The following LRRC7 variants were observed in gnomAD, a reference collection of about 807,000 sequenced individuals.
LRRC7 encodes the protein leucine rich repeat containing 7.
A neutral mutation model predicts 175.7 loss-of-function variants in LRRC7; 23 were observed. That is an observed-to-expected ratio of 0.13 (90% confidence interval 0.09 to 0.19). The LOEUF is 0.19. LRRC7 is among the 10% of genes least tolerant of loss of function. The pLI, the probability that LRRC7 is intolerant of heterozygous loss-of-function variation, is 1.00. For synonymous variants in LRRC7, 685 were observed against 680.9 expected (o/e 1.01, Z -0.09); for missense variants, 1,354 against 1,904.7 (o/e 0.71, Z 5.38).
At chr1:69,809,405 T>A (rs1036253538) in intron 4 of LRRC7, among the ~76,000 whole-genome samples, 34 of 152,140 alleles carry the variant, frequency 2.2e-4, no homozygotes, top group African/African-American at 7.9e-4. Flanking sequence ...AATGGGGGAT[T>A]CCTCCCTAAC....
At chr1:69,908,856 T>C (rs1358521276) in intron 7 of LRRC7, among the ~76,000 whole-genome samples, 1 of 150,234 alleles carries the variant, frequency 6.7e-6, no homozygotes, top group Admixed American at 6.6e-5. Context: ...TCGGGTCTAA[T>C]GTTGACAGTG....
chr1:69,606,308 A>C (rs995453912), intron 1 of LRRC7, among the ~76,000 whole-genome samples: 7 of 152,266 alleles, frequency 4.6e-5, no homozygotes, highest in East Asian at 3.9e-4. Context: ...TTATGATGTC[A>C]TACATTTTGT....
intron 3 of LRRC7, among the ~76,000 whole-genome samples, chr1:69,779,181 T>C (rs140089308): frequency 0.015 from 2,226 of 152,088 alleles, 56 homozygotes; most frequent in African/African-American, 0.052. Context: ...CTAACAAAAA[T>C]TTTACCAACC....
intron 17 of LRRC7, among the ~76,000 whole-genome samples, chr1:70,023,635 CT>C (rs147311419): frequency 5.5e-4 from 81 of 146,188 alleles, no homozygotes; most frequent in African/African-American, 1.6e-3. Flanking sequence ...GAGTTGGGTG[CT>C]TTTTTTTTTC....
chr1:70,031,901 C>T (rs1350926959), intron 18 of LRRC7, among the ~76,000 whole-genome samples: 5 of 151,892 alleles, frequency 3.3e-5, no homozygotes, highest in East Asian at 1.9e-4. Context: ...CTGGTTCAAG[C>T]GATTCTCCTG....
chr1:69,726,495 A>G (rs184358019), intron 2 of LRRC7, among the ~76,000 whole-genome samples: 1 of 152,300 alleles, frequency 6.6e-6, no homozygotes, highest in Non-Finnish European at 1.5e-5. Flanking sequence ...GAGATTATGG[A>G]AGAAGGTAGA....
intron 1 of LRRC7, among the ~76,000 whole-genome samples, chr1:69,616,518 GTTATTA>G (rs1402599357): frequency 6.6e-6 from 1 of 151,944 alleles, no homozygotes; most frequent in African/African-American, 2.4e-5. Context: ...TTTATTTAAA[GTTATTA>G]TTATATTATA....
chr1:69,730,222 C>T (rs1323476973), intron 2 of LRRC7, among the ~76,000 whole-genome samples: 1 of 152,198 alleles, frequency 6.6e-6, no homozygotes, highest in Admixed American at 6.5e-5. Context: ...AGACATTTTC[C>T]CCATTGTCTT....
intron 7 of LRRC7, among the ~76,000 whole-genome samples, chr1:69,856,149 T>A (rs1333350314): frequency 2.0e-5 from 3 of 152,220 alleles, no homozygotes; most frequent in Non-Finnish European, 4.4e-5. Context: ...CCGTTATGTG[T>A]GAATTTGATC....
At chr1:70,080,633 T>G (rs1218189206) in intron 24 of LRRC7, among the ~76,000 whole-genome samples, 2 of 152,236 alleles carry the variant, frequency 1.3e-5, no homozygotes, top group African/African-American at 4.8e-5. Flanking sequence ...AACTATAAAA[T>G]GTTACCCAGA....
At chr1:69,948,841 C>T (rs947102661) in intron 8 of LRRC7, among the ~76,000 whole-genome samples, 10 of 152,178 alleles carry the variant, frequency 6.6e-5, no homozygotes, top group African/African-American at 2.4e-4. Flanking sequence ...ACATTACAGA[C>T]TTTCAGTGCT....
chr1:70,076,384 TC>T, intron 24 of LRRC7, 86 bp downstream of exon 24: 2 of 1,174,416 alleles, frequency 1.7e-6, no homozygotes, highest in Non-Finnish European at 2.5e-6. Context: ...ATTAATGTGG[TC>T]CAGGACACAA....
chr1:69,727,195 A>G (rs1317418386), intron 2 of LRRC7, among the ~76,000 whole-genome samples: 2 of 152,182 alleles, frequency 1.3e-5, no homozygotes, highest in African/African-American at 4.8e-5. Context: ...CAGGGCCCAG[A>G]GAGGGATGCA....
intron 8 of LRRC7, among the ~76,000 whole-genome samples, chr1:69,966,695 G>A (rs186275909): frequency 3.3e-5 from 5 of 152,272 alleles, no homozygotes; most frequent in African/African-American, 9.6e-5. Flanking sequence ...TGTCCGCCCC[G>A]AGCACATATA....
intron 2 of LRRC7, among the ~76,000 whole-genome samples, chr1:69,696,183 A>G (rs1318888054): frequency 1.3e-5 from 2 of 152,202 alleles, no homozygotes; most frequent in African/African-American, 4.8e-5. Context: ...GAGTTGCCCA[A>G]CGAGTTGCCT....
At chr1:70,016,246 C>T (rs1656953192) in intron 13 of LRRC7, among the ~76,000 whole-genome samples, 1 of 152,060 alleles carries the variant, frequency 6.6e-6, no homozygotes, top group Admixed American at 6.6e-5. Context: ...TCTAACCATA[C>T]ATGTTAAACA....
At chr1:69,942,967 G>A (rs1648889997) in intron 8 of LRRC7, among the ~76,000 whole-genome samples, 1 of 152,042 alleles carries the variant, frequency 6.6e-6, no homozygotes, top group African/African-American at 2.4e-5. Context: ...AAAGCATTAT[G>A]AGTTTTTTTG....
At chr1:69,893,364 C>T (rs1435063209) in intron 7 of LRRC7, among the ~76,000 whole-genome samples, 1 of 152,182 alleles carries the variant, frequency 6.6e-6, no homozygotes, top group Admixed American at 6.5e-5. Flanking sequence ...TGAAACAATG[C>T]TTTCAAAAAT....
intron 8 of LRRC7, among the ~76,000 whole-genome samples, chr1:69,971,784 A>G (rs1474065093): frequency 6.6e-6 from 1 of 152,156 alleles, no homozygotes; most frequent in African/African-American, 2.4e-5. Flanking sequence ...TAAAATTCAT[A>G]TGGAACCAAG....
Sources: gnomAD v4.1 joint callset for allele counts (sites outside exome capture counted in the v4.1 genomes callset) on GRCh38, gnomAD v4.1.1 for gene constraint, MANE v1.5 for transcripts, NCBI Gene and HGNC (gene_info 2026-07-23, HGNC 2026-07-21) for gene names.